Variants in ERICH1 observed in about 807,000 individuals in gnomAD.
The protein encoded by ERICH1 is glutamate rich 1.
A neutral mutation model predicts 39.6 loss-of-function variants in ERICH1; 56 were observed. The observed-to-expected ratio is 1.41, with a 90% CI of 1.14 to 1.77. The LOEUF (loss-of-function observed/expected upper bound fraction) is 1.77, where lower values mean the gene tolerates loss of function less well. ERICH1 is among the 40% of genes most tolerant of loss of function. The pLI, the probability that ERICH1 is intolerant of heterozygous loss-of-function variation, is 0.00. For missense variants in ERICH1, 826 were observed against 575.4 expected (o/e 1.44, Z -4.45); for synonymous variants, 313 against 223.6 (o/e 1.40, Z -3.57).
intron 3 of ERICH1, among the ~76,000 whole-genome samples, chr8:687,249 G>C (rs1473104963): frequency 6.6e-6 from 1 of 152,198 alleles, no homozygotes; most frequent in Non-Finnish European, 1.5e-5. Context: ...CAGAATCTGA[G>C]TCAATGCCTC....
intron 3 of ERICH1, among the ~76,000 whole-genome samples, chr8:685,768 T>C (rs1333619623): frequency 1.3e-5 from 2 of 152,212 alleles, no homozygotes; most frequent in African/African-American, 4.8e-5. Flanking sequence ...TTCAAGAGTC[T>C]TTCTTCATTA....
intron 5 of ERICH1, among the ~76,000 whole-genome samples, chr8:664,894 A>G (rs1242629543): frequency 2.0e-5 from 3 of 152,214 alleles, no homozygotes; most frequent in Non-Finnish European, 4.4e-5. Context: ...TCAATTCTGA[A>G]TATTTGTATT....
At chr8:616,948 GGGAGAC>G (rs1563156891) in intron 3 of ERICH1, among the ~76,000 whole-genome samples, 2,935 of 50,602 alleles carry the variant, frequency 0.058, 908 homozygotes, top group African/African-American at 0.099. Flanking sequence ...GAGAGGGAGA[GGGAGAC>G]AGAGACACAC....
downstream of ERICH1, among the ~76,000 whole-genome samples, chr8:662,327 C>T (rs571490102): frequency 6.6e-6 from 1 of 152,338 alleles, no homozygotes; most frequent in Admixed American, 6.5e-5. Context: ...AATTTATTTT[C>T]ATATTTGCAA....
chr8:662,801 C>T (rs929894925), downstream of ERICH1, among the ~76,000 whole-genome samples: 11 of 152,206 alleles, frequency 7.2e-5, no homozygotes, highest in African/African-American at 2.4e-4. Context: ...CAGGTTCTTA[C>T]TGTGGGAAGA....
At position 647,060 on chromosome 8, in the gene ERICH1, C is replaced by T. The variant is rs1364692423; in HGVS notation, c.976+21538G>A. Among the ~76,000 whole-genome samples the T allele has an allele frequency of 5.7e-5, 4 of 70,010 alleles. 2 individuals are homozygous for T. The highest frequency in any genetic ancestry group is 1.4e-4 in the African/African-American group (4 of 27,772). 45.9% of individuals were successfully genotyped at this position (70,010 alleles called of 152,430 possible). On this transcript the variant is annotated intron_variant, in intron 3 of 3. Transcript: ENST00000522706. ...CATCATCCCAGTGTTCAGGTGTGGA[C>T]GCCAAGGCTGAGCATATTGAGGTAG... is the stretch of plus-strand genomic sequence containing the variant.
At chr8:699,885 C>A (rs1403979151) in intron 2 of ERICH1, among the ~76,000 whole-genome samples, 1 of 87,958 alleles carries the variant, frequency 1.1e-5, no homozygotes, top group African/African-American at 3.8e-5. Context: ...GCGCACAGAT[C>A]CGCACACGCG....
chr8:710,021 T>C (rs910920083), intron 2 of ERICH1, among the ~76,000 whole-genome samples: 1 of 152,122 alleles, frequency 6.6e-6, no homozygotes, highest in Non-Finnish European at 1.5e-5. Context: ...AAACAGGAAA[T>C]GTTAGGGATG....
chr8:722,488 G>A (rs1405547128), intron 1 of ERICH1, among the ~76,000 whole-genome samples: 1 of 152,194 alleles, frequency 6.6e-6, no homozygotes, highest in Non-Finnish European at 1.5e-5. Context: ...AAATCTTTCA[G>A]TAAAGTGTTC....
chr8:694,438 A>C (rs995030090), intron 2 of ERICH1, among the ~76,000 whole-genome samples: 2 of 152,244 alleles, frequency 1.3e-5, no homozygotes, highest in African/African-American at 4.8e-5. Context: ...GTCATTGTTC[A>C]CTTAATCATT....
At chr8:676,684 G>C (rs1804903278) in intron 3 of ERICH1, among the ~76,000 whole-genome samples, 1 of 152,188 alleles carries the variant, frequency 6.6e-6, no homozygotes, top group Non-Finnish European at 1.5e-5. Flanking sequence ...GCCCCGCCCA[G>C]ACACTGATGG....
At chr8:682,793 C>T (rs528896635) in intron 3 of ERICH1, among the ~76,000 whole-genome samples, 4 of 152,330 alleles carry the variant, frequency 2.6e-5, no homozygotes, top group East Asian at 1.9e-4. Flanking sequence ...CTAATTCTCA[C>T]AGCTGCACCT....
intron 2 of ERICH1, among the ~76,000 whole-genome samples, chr8:700,652 G>T (rs531769940): frequency 1.8e-3 from 276 of 152,316 alleles, no homozygotes; most frequent in Non-Finnish European, 2.6e-3. Flanking sequence ...ACTTATCACA[G>T]CTGTTTTATG....
rs1258766436 is a variant in ERICH1 at position 668,638 on chromosome 8, A to G, written c.1218T>C (p.His406=). ...AATGTTCTGGGAACATTTCCAGAGC[A>G]TGCTTCAATCTCTCAGTATCTTGCA... is the stretch of plus-strand genomic sequence containing the variant. The part of the protein sequence containing the change: ...LLLQDTERLK[H]ALEMFPEHCT... The change falls in exon 5 of 6, where the codon CAT becomes CAC. Residue 406 remains histidine (H), a synonymous_variant. Transcript: ENST00000262109. The G allele has an allele frequency of 6.2e-7, 1 of 1,614,140 alleles. No individual in the cohort carries two copies. Among genetic ancestry groups the G allele is most frequent in the African/African-American group, 1.3e-5 (1 of 74,950 alleles).
intron 2 of ERICH1, among the ~76,000 whole-genome samples, chr8:694,291 G>A (rs146306049): frequency 1.4e-4 from 21 of 152,260 alleles, no homozygotes; most frequent in African/African-American, 5.1e-4. Context: ...CGGAGCCAAG[G>A]GCAGATGGAG....
At chr8:711,601 A>C (rs1181266567) in intron 2 of ERICH1, among the ~76,000 whole-genome samples, 1 of 151,686 alleles carries the variant, frequency 6.6e-6, no homozygotes, top group Non-Finnish European at 1.5e-5. Flanking sequence ...GGGTTCAAGC[A>C]ATTCTTCTGC....
chr8:664,195 CA>C, downstream of ERICH1: 1 of 976,708 alleles, frequency 1.0e-6, no homozygotes, highest in East Asian at 1.1e-4. Context: ...CAACTATATT[CA>C]AACTACTTAA....
chr8:673,211 T>A, intron 4 of ERICH1, 78 bp downstream of exon 4: 1 of 1,454,362 alleles, frequency 6.9e-7, no homozygotes, highest in South Asian at 1.4e-5. Context: ...GTTTTAACAT[T>A]TAAGCATTAT....
intron 3 of ERICH1, among the ~76,000 whole-genome samples, chr8:691,547 G>A (rs868750569): frequency 6.6e-6 from 1 of 152,250 alleles, no homozygotes; most frequent in Admixed American, 6.5e-5. Context: ...AGTACGCAAT[G>A]AAGCATATTC....
Sources: allele counts gnomAD v4.1 joint callset (sites outside exome capture counted in the v4.1 genomes callset), GRCh38; gene constraint gnomAD v4.1.1; transcripts MANE v1.5; gene names NCBI Gene and HGNC (gene_info 2026-07-23, HGNC 2026-07-21).